CACNB2: variants seen among roughly 807,000 people sequenced by gnomAD.
CACNB2 encodes the protein calcium voltage-gated channel auxiliary subunit beta 2.
In CACNB2, 42 loss-of-function variants were observed where a neutral mutation model predicts 73.3. That is an observed-to-expected ratio of 0.57 (90% CI 0.45 to 0.74). The LOEUF is 0.74. Among genes scored for constraint, CACNB2 ranks in the 30% least tolerant of loss-of-function variants. The pLI is 0.00. For synonymous variants in CACNB2, 348 were observed against 310.3 expected (o/e 1.12, Z -1.28); for missense variants, 940 against 853.0 (o/e 1.10, Z -1.27).
intron 1 of CACNB2, 28 bp from the exon 2 acceptor site, chr10:18,150,855 C>CTTTTTTTGTTTTTTTTTTTTTTT: frequency 4.1e-6 from 2 of 483,392 alleles, no homozygotes; most frequent in Non-Finnish European, 6.1e-6. Flanking sequence ...TCTTATTTGT[C>CTTTTTTTGTTTTTTTTTTTTTTT]TTTTTTTTTT....
intron 9 of CACNB2, among the ~76,000 whole-genome samples, chr10:18,521,081 C>T (rs2051833202): frequency 6.6e-6 from 1 of 152,236 alleles, no homozygotes; most frequent in Non-Finnish European, 1.5e-5. Flanking sequence ...TGAACGTCTG[C>T]TGCATACTCT....
At chr10:18,364,488 A>G (rs1267006555) in intron 2 of CACNB2, among the ~76,000 whole-genome samples, 1 of 148,574 alleles carries the variant, frequency 6.7e-6, no homozygotes, top group East Asian at 2.1e-4. Context: ...TTCAATAGAG[A>G]TGGGTTTTAC....
chr10:18,410,745 G>T (rs1564518562), intron 3 of CACNB2, among the ~76,000 whole-genome samples: 1 of 152,288 alleles, frequency 6.6e-6, no homozygotes, highest in African/African-American at 2.4e-5. Context: ...ACTTTGGGAG[G>T]CCAAGGCAGG....
intron 2 of CACNB2, among the ~76,000 whole-genome samples, chr10:18,391,925 C>CAAAAAA (rs34698093): frequency 8.3e-5 from 7 of 84,544 alleles, no homozygotes; most frequent in East Asian, 7.5e-4. Flanking sequence ...AAGACCCTGT[C>CAAAAAA]AAAAAAAAAA....
chr10:18,538,695 G>A (rs1220686470), intron 13 of CACNB2, among the ~76,000 whole-genome samples: 1 of 152,102 alleles, frequency 6.6e-6, no homozygotes, highest in African/African-American at 2.4e-5. Context: ...CTTACCTCAG[G>A]AATAATAATG....
At chr10:18,293,339 CT>C (rs2039144869) in intron 2 of CACNB2, among the ~76,000 whole-genome samples, 3 of 152,176 alleles carry the variant, frequency 2.0e-5, no homozygotes, top group Admixed American at 2.0e-4. Flanking sequence ...TCTTTCCCTC[CT>C]TATACGGATG....
At chr10:18,238,343 A>G (rs2036526796) in intron 2 of CACNB2, 1 of 152,146 alleles carries the variant, frequency 6.6e-6, no homozygotes, top group Non-Finnish European at 1.5e-5. Context: ...AGGTTGCCTT[A>G]CTCGCGTGCC....
chr10:18,437,576 A>C (rs1230853470), intron 3 of CACNB2, among the ~76,000 whole-genome samples: 2 of 152,178 alleles, frequency 1.3e-5, no homozygotes, highest in African/African-American at 4.8e-5. Context: ...TTCTCCACGC[A>C]TTTCACTGGC....
Position 18,498,269 on chromosome 10 carries a change from T to C in CACNB2, c.334-86T>C. On this transcript the variant is annotated intron_variant, in intron 3 of 13. Coordinates refer to ENST00000324631, the MANE Select transcript of CACNB2 (RefSeq NM_201596.3). Reference sequence around the variant, plus strand: ...AAACCAACAATGATTACAGTAGTTATTCAGTATGTCTTTGTGTTTGAGGGA... The same window carrying C: ...AAACCAACAATGATTACAGTAGTTACTCAGTATGTCTTTGTGTTTGAGGGA... 6.7e-6 allele frequency: 10 copies of C among 1,495,924 alleles called. 1 individual carries two copies. In the South Asian group the frequency reaches 1.2e-4, roughly 17 times the overall value. The allele number at this position is 1,495,924 out of a possible 1,614,324, so 92.7% of individuals were successfully genotyped here.
At chr10:18,196,700 G>A (rs767785512) in intron 2 of CACNB2, among the ~76,000 whole-genome samples, 1 of 151,998 alleles carries the variant, frequency 6.6e-6, no homozygotes, top group Non-Finnish European at 1.5e-5. Flanking sequence ...TCATTTCACT[G>A]GTGTCTAAAA....
intron 2 of CACNB2, among the ~76,000 whole-genome samples, chr10:18,156,876 A>AG (rs899730186): frequency 2.0e-5 from 3 of 148,520 alleles, no homozygotes; most frequent in Non-Finnish European, 4.5e-5. Context: ...TAAAAGTAGA[A>AG]AAAAAAAAAA....
intron 2 of CACNB2, among the ~76,000 whole-genome samples, chr10:18,293,706 A>AT (rs2039162302): frequency 6.6e-6 from 1 of 152,216 alleles, no homozygotes; most frequent in South Asian, 2.1e-4. Context: ...ATCCCACACT[A>AT]TTACAAAATG....
chr10:18,366,110 A>G (rs1191008829), intron 2 of CACNB2, among the ~76,000 whole-genome samples: 1 of 152,174 alleles, frequency 6.6e-6, no homozygotes, highest in East Asian at 1.9e-4. Context: ...GGCTGGTTCT[A>G]CCTTTCAAAT....
At chr10:18,315,019 GT>G (rs1467672196) in intron 2 of CACNB2, among the ~76,000 whole-genome samples, 1 of 152,098 alleles carries the variant, frequency 6.6e-6, no homozygotes, top group Non-Finnish European at 1.5e-5. Context: ...CATGTACAAA[GT>G]ACTTTCTAAT....
chr10:18,229,009 T>C (rs1052972143), intron 2 of CACNB2, among the ~76,000 whole-genome samples: 1 of 152,218 alleles, frequency 6.6e-6, no homozygotes, highest in Non-Finnish European at 1.5e-5. Context: ...CACAAAGTGG[T>C]GGGATTACAG....
At chr10:18,176,852 C>T (rs899805686) in intron 2 of CACNB2, among the ~76,000 whole-genome samples, 4 of 151,410 alleles carry the variant, frequency 2.6e-5, no homozygotes, top group Non-Finnish European at 4.4e-5. Flanking sequence ...CACTGCAGTT[C>T]GGTGTTTCAG....
At chr10:18,294,813 T>C (rs2039210378) in intron 2 of CACNB2, among the ~76,000 whole-genome samples, 1 of 152,238 alleles carries the variant, frequency 6.6e-6, no homozygotes. Context: ...CTCTTGTATG[T>C]ATTTGCATAT....
At chr10:18,372,756 C>G (rs998831328) in intron 2 of CACNB2, among the ~76,000 whole-genome samples, 2 of 152,038 alleles carry the variant, frequency 1.3e-5, no homozygotes, top group African/African-American at 4.8e-5. Flanking sequence ...TTTATGTGTC[C>G]TTGGATAAGT....
At chr10:18,268,535 A>G (rs917895615) in intron 2 of CACNB2, among the ~76,000 whole-genome samples, 1 of 152,228 alleles carries the variant, frequency 6.6e-6, no homozygotes, top group African/African-American at 2.4e-5. Flanking sequence ...AGCAATGTAT[A>G]TAGTATGATT....
Sources: gnomAD v4.1 joint callset for allele counts (sites outside exome capture counted in the v4.1 genomes callset) on GRCh38, gnomAD v4.1.1 for gene constraint, MANE v1.5 for transcripts, NCBI Gene and HGNC (gene_info 2026-07-23, HGNC 2026-07-21) for gene names.